CECR2: variants seen among roughly 807,000 people sequenced by gnomAD.
CECR2 encodes the protein chromatin remodeling regulator CECR2.
In CECR2, 30 loss-of-function variants were observed where a neutral mutation model predicts 154.5. The observed-to-expected ratio is 0.19, with a 90% CI of 0.15 to 0.26. The LOEUF (loss-of-function observed/expected upper bound fraction) is 0.26. Ranked by LOEUF, CECR2 falls within the 10% of genes least tolerant of loss-of-function variation. CECR2 has a pLI of 1.00. For synonymous variants in CECR2, 725 were observed against 683.7 expected, an observed-to-expected ratio of 1.06 and a Z score of -0.94; for missense variants, 1,743 against 1,829.3, an observed-to-expected ratio of 0.95 and a Z score of 0.86.
chr22:17,543,063 A>C (rs548572740), intron 16 of CECR2, 60 bp downstream of exon 16: 1 of 1,494,662 alleles, frequency 6.7e-7, no homozygotes, highest in South Asian at 1.3e-5. Context: ...ATCTTTTTAC[A>C]CAGCATATCA....
intron 1 of CECR2, among the ~76,000 whole-genome samples, chr22:17,386,684 A>T (rs571930776): frequency 1.5e-3 from 214 of 144,978 alleles, no homozygotes; most frequent in African/African-American, 5.3e-3. Context: ...ACGGAGTTTC[A>T]CTCTTGTCCA....
chr22:17,391,914 G>A (rs1303009181), intron 1 of CECR2, among the ~76,000 whole-genome samples: 3 of 152,100 alleles, frequency 2.0e-5, no homozygotes, highest in Non-Finnish European at 2.9e-5. Context: ...CAATTCCCCC[G>A]TCTCAGCTTC....
chr22:17,491,591 G>T (rs2055533364), intron 2 of CECR2, among the ~76,000 whole-genome samples: 2 of 111,356 alleles, frequency 1.8e-5, no homozygotes, highest in Non-Finnish European at 3.7e-5. Flanking sequence ...GTGGGGGGGT[G>T]GGTGTTTAGC....
chr22:17,515,022 C>CA (rs913316044), intron 8 of CECR2, among the ~76,000 whole-genome samples: 343 of 82,952 alleles, frequency 4.1e-3, no homozygotes, highest in Admixed American at 5.2e-3. Flanking sequence ...GACTCCGTCT[C>CA]AAAAAAAAAA....
At chr22:17,446,878 TGCTGATTGGTCCATTTTACAGAGC>T (rs939277701) in intron 1 of CECR2, among the ~76,000 whole-genome samples, 16 of 152,232 alleles carry the variant, frequency 1.1e-4, no homozygotes, top group South Asian at 2.1e-4. Flanking sequence ...GCCCACATCC[TGCTGATTGGTCCATTTTACAGAGC>T]GCTGATTGGT....
chr22:17,430,457 G>C (rs1441250926), intron 1 of CECR2, among the ~76,000 whole-genome samples: 1 of 151,944 alleles, frequency 6.6e-6, no homozygotes, highest in African/African-American at 2.4e-5. Context: ...TTCTCCATCA[G>C]CCCTTGTAGT....
chr22:17,506,068 A>C (rs937615856), intron 7 of CECR2, among the ~76,000 whole-genome samples: 3 of 150,928 alleles, frequency 2.0e-5, no homozygotes, highest in Non-Finnish European at 4.4e-5. Flanking sequence ...GCTTGTCCCA[A>C]ACTCCTAGCC....
chr22:17,395,891 T>C (rs77610709), intron 1 of CECR2, among the ~76,000 whole-genome samples: 4,066 of 152,196 alleles, frequency 0.027, 61 homozygotes, highest in Middle Eastern at 0.051. Flanking sequence ...AAAAGTATCA[T>C]GAATATTCTT....
At chr22:17,524,692 CTTTTTTT>C (rs1188195849) in intron 9 of CECR2, among the ~76,000 whole-genome samples, 3 of 44,316 alleles carry the variant, frequency 6.8e-5, no homozygotes, top group African/African-American at 1.2e-4. Flanking sequence ...ATGCCTGGCC[CTTTTTTT>C]TTTTTTTTTT....
At position 17,524,252 on chromosome 22, in the gene CECR2, G is replaced by C; in HGVS notation, c.1089G>C (p.Glu363Asp). The change falls in exon 9 of 19, where the codon GAG becomes GAC. Residue 363 changes from glutamate (E) to aspartate (D), a missense_variant. By Grantham distance (45) the Glu-to-Asp change is conservative. This residue lies in a region of CECR2 where 292 missense variants were observed against 301.2 expected (regional missense o/e 0.97). Coordinates refer to ENST00000262608, the MANE Select transcript of CECR2 (RefSeq NM_001290047.2). ...AAGAGAGGAAACGCGAGTTGGAGGA[G>C]AAGGTCAAGGCAGTGGAAGGTATGT... The part of the protein sequence containing the change: ...LKEERKRELE[E>D]KVKAVEDRAK... 2 of 1,609,576 alleles carry C rather than the reference G, an allele frequency of 1.2e-6. No homozygotes were observed. The highest frequency in any genetic ancestry group is 1.7e-6 in the Non-Finnish European group (2 of 1,178,168).
chr22:17,527,955 G>A (rs1333435328), intron 9 of CECR2, among the ~76,000 whole-genome samples: 1 of 152,172 alleles, frequency 6.6e-6, no homozygotes, highest in Admixed American at 6.6e-5. Context: ...TATACTGTTG[G>A]TAGGAACATA....
chr22:17,409,962 G>GTTTATTTA lies in CECR2; in HGVS notation c.126+40054_126+40055insTTATTTAT, dbSNP rs1366200126. Among the ~76,000 whole-genome samples, 106 of 99,622 alleles carry GTTTATTTA rather than the reference G, an allele frequency of 1.1e-3. 28 individuals carry two copies. Among genetic ancestry groups the GTTTATTTA allele is most frequent in the African/African-American group, 4.2e-3 (103 of 24,416 alleles). The allele number at this position is 99,622 out of a possible 152,430, so 65.4% of individuals were successfully genotyped here. ...ACACATATTCAATCAAGTGTTTGCT[G>GTTTATTTA]TCTATTTATTTATTTATTTATTTAT... On this transcript the variant is annotated intron_variant, in intron 1 of 18. Transcript: ENST00000262608.
At chr22:17,533,135 G>A (rs888342340) in intron 9 of CECR2, among the ~76,000 whole-genome samples, 1 of 150,808 alleles carries the variant, frequency 6.6e-6, no homozygotes, top group African/African-American at 2.4e-5. Context: ...GGCCAACTTG[G>A]TGAAACCCCG....
chr22:17,370,724 GA>G (rs1315206298), intron 1 of CECR2, among the ~76,000 whole-genome samples: 5 of 152,162 alleles, frequency 3.3e-5, no homozygotes, highest in Non-Finnish European at 5.9e-5. Flanking sequence ...GAGGGTCCTG[GA>G]GCGCGGCGGG....
intron 1 of CECR2, among the ~76,000 whole-genome samples, chr22:17,462,573 A>T (rs957575363): frequency 3.3e-5 from 5 of 152,112 alleles, no homozygotes; most frequent in Non-Finnish European, 7.3e-5. Flanking sequence ...TGTATTGGAT[A>T]TGGGGAACCA....
intron 1 of CECR2, among the ~76,000 whole-genome samples, chr22:17,465,151 C>T (rs1468058243): frequency 1.3e-5 from 2 of 151,892 alleles, no homozygotes; most frequent in Non-Finnish European, 2.9e-5. Flanking sequence ...CGCCCACCAC[C>T]ACGCCCGGCT....
intron 2 of CECR2, among the ~76,000 whole-genome samples, chr22:17,491,949 G>A (rs2055540322): frequency 6.6e-6 from 1 of 152,136 alleles, no homozygotes; most frequent in African/African-American, 2.4e-5. Context: ...ATTTTAGTAT[G>A]TGGGATATAG....
intron 2 of CECR2, among the ~76,000 whole-genome samples, chr22:17,495,848 C>A (rs1487806245): frequency 1.9e-5 from 2 of 107,802 alleles, no homozygotes; most frequent in African/African-American, 7.6e-5. Flanking sequence ...GGTGACAGAG[C>A]AAGACTCTGT....
intron 1 of CECR2, among the ~76,000 whole-genome samples, chr22:17,375,747 G>T (rs2063111400): frequency 6.6e-6 from 1 of 152,032 alleles, no homozygotes; most frequent in Admixed American, 6.6e-5. Flanking sequence ...ATGAGGTCAG[G>T]AGTTCAGGAC....
Sources: gnomAD v4.1 joint callset for allele counts (sites outside exome capture counted in the v4.1 genomes callset) on GRCh38, gnomAD v4.1.1 for gene constraint, gnomAD v4.1.1 regional missense constraint, MANE v1.5 for transcripts, NCBI Gene and HGNC (gene_info 2026-07-23, HGNC 2026-07-21) for gene names.